Variants in XRCC4 observed in about 807,000 individuals in gnomAD.
XRCC4 encodes the protein X-ray repair cross complementing 4, also known as DNA repair protein XRCC4.
XRCC4 carries 28 observed loss-of-function variants against 39.1 expected under a neutral mutation model. The observed-to-expected ratio is 0.72, with a 90% CI of 0.53 to 0.98. The LOEUF is 0.98. Ranked by LOEUF, XRCC4 falls within the 50% of genes least tolerant of loss-of-function variation. XRCC4 has a pLI of 0.00. For synonymous variants in XRCC4, 123 were observed against 126.4 expected (o/e 0.97, Z 0.18); for missense variants, 350 against 376.4 (o/e 0.93, Z 0.58).
chr5:83,245,116 A>C (rs1753053251), intron 6 of XRCC4, among the ~76,000 whole-genome samples: 1 of 152,106 alleles, frequency 6.6e-6, no homozygotes, highest in Admixed American at 6.6e-5. Flanking sequence ...AAGTGTTCTG[A>C]GAATGGTTCT....
At chr5:83,344,130 T>A (rs7734849) in intron 7 of XRCC4, among the ~76,000 whole-genome samples, 37,081 of 148,208 alleles carry the variant, frequency 0.25, 6,565 homozygotes, top group East Asian at 0.7. Flanking sequence ...GACACAGATC[T>A]CACACACACA....
At chr5:83,125,785 C>A (rs1015332802) in intron 3 of XRCC4, among the ~76,000 whole-genome samples, 1 of 152,054 alleles carries the variant, frequency 6.6e-6, no homozygotes, top group Non-Finnish European at 1.5e-5. Flanking sequence ...GAGTTCACAA[C>A]CAGTCTGAAT....
At chr5:83,165,544 T>C (rs999243114) in intron 3 of XRCC4, among the ~76,000 whole-genome samples, 1 of 152,190 alleles carries the variant, frequency 6.6e-6, no homozygotes, top group Admixed American at 6.5e-5. Context: ...ACTTGTGTTA[T>C]GGGGTTTTGT....
At chr5:83,374,045 A>T in the XRCC4 span, among the ~76,000 whole-genome samples, 5 of 152,240 alleles carry the variant, frequency 3.3e-5, no homozygotes, top group African/African-American at 1.2e-4. Context: ...AGTGAGAAGC[A>T]GAGAGTATTA....
intron 7 of XRCC4, among the ~76,000 whole-genome samples, chr5:83,320,553 G>C (rs1756032445): frequency 6.6e-6 from 1 of 151,894 alleles, no homozygotes; most frequent in Non-Finnish European, 1.5e-5. Context: ...AGGAAAAAAT[G>C]CTGTCAAATA....
the XRCC4 span, among the ~76,000 whole-genome samples, chr5:83,362,034 C>T: frequency 1.3e-5 from 2 of 151,994 alleles, no homozygotes; most frequent in East Asian, 3.9e-4. Context: ...TTGCTCATCT[C>T]TTTTTATCAA....
At chr5:83,098,677 A>G (rs1745788964) in intron 1 of XRCC4, among the ~76,000 whole-genome samples, 1 of 152,128 alleles carries the variant, frequency 6.6e-6, no homozygotes, top group South Asian at 2.1e-4. Context: ...TTTTCAAAAA[A>G]AAAAATCTTA....
At chr5:83,272,310 C>T (rs2112931998) in intron 7 of XRCC4, among the ~76,000 whole-genome samples, 1 of 152,206 alleles carries the variant, frequency 6.6e-6, no homozygotes, top group East Asian at 1.9e-4. Context: ...CCCCCCAAAC[C>T]CTGTTTATAT....
At chr5:83,131,206 TC>T (rs1747559977) in intron 3 of XRCC4, among the ~76,000 whole-genome samples, 1 of 152,210 alleles carries the variant, frequency 6.6e-6, no homozygotes, top group Non-Finnish European at 1.5e-5. Flanking sequence ...CATCTTTATT[TC>T]TGCCTTCATT....
chr5:83,353,016 A>G (rs937153875), intron 7 of XRCC4, 115 bp from the exon 8 acceptor site: 1 of 817,430 alleles, frequency 1.2e-6, no homozygotes, highest in Admixed American at 2.9e-5. Flanking sequence ...AAATCTCTAA[A>G]CCAATTTGAA....
intron 6 of XRCC4, among the ~76,000 whole-genome samples, chr5:83,230,874 C>G (rs889530754): frequency 1.3e-5 from 2 of 151,748 alleles, no homozygotes; most frequent in African/African-American, 4.8e-5. Flanking sequence ...ACTACTAGTT[C>G]TTTGTAATTC....
intron 1 of XRCC4, among the ~76,000 whole-genome samples, chr5:83,096,521 C>T (rs899781911): frequency 2.0e-5 from 3 of 152,020 alleles, no homozygotes; most frequent in Admixed American, 6.6e-5. Flanking sequence ...ACCCAGGAGC[C>T]CAATCTGTGT....
chr5:83,175,621 T>G (rs1318288561), intron 3 of XRCC4, among the ~76,000 whole-genome samples: 1 of 151,920 alleles, frequency 6.6e-6, no homozygotes, highest in Non-Finnish European at 1.5e-5. Flanking sequence ...TTGTTTTTGT[T>G]TTTTTTTGAG....
chr5:83,150,301 C>A (rs16900194), intron 3 of XRCC4, among the ~76,000 whole-genome samples: 2,213 of 152,196 alleles, frequency 0.015, 62 homozygotes, highest in African/African-American at 0.051. Flanking sequence ...CCTTGAATTG[C>A]ACACATTCGT....
At chr5:83,331,516 C>T (rs1473601839) in intron 7 of XRCC4, among the ~76,000 whole-genome samples, 2 of 152,002 alleles carry the variant, frequency 1.3e-5, no homozygotes, top group African/African-American at 4.8e-5. Flanking sequence ...TAAACATTCA[C>T]AAATAGTATG....
chr5:83,087,123 C>T (rs1275350042), intron 1 of XRCC4, among the ~76,000 whole-genome samples: 3 of 151,998 alleles, frequency 2.0e-5, no homozygotes, highest in Non-Finnish European at 4.4e-5. Context: ...TCAAGTCCAG[C>T]CTGGCCAACC....
intron 3 of XRCC4, among the ~76,000 whole-genome samples, chr5:83,120,839 A>G (rs1746976569): frequency 6.6e-6 from 1 of 152,196 alleles, no homozygotes; most frequent in African/African-American, 2.4e-5. Flanking sequence ...ACAACTGGGT[A>G]AATTTTAAAA....
intron 6 of XRCC4, among the ~76,000 whole-genome samples, chr5:83,209,347 T>C (rs1751548261): frequency 6.6e-6 from 1 of 152,100 alleles, no homozygotes; most frequent in Non-Finnish European, 1.5e-5. Flanking sequence ...CCACATGCAA[T>C]TGGCCTTTTA....
At chr5:83,193,748 T>A (rs2112693944) in intron 3 of XRCC4, among the ~76,000 whole-genome samples, 1 of 152,342 alleles carries the variant, frequency 6.6e-6, no homozygotes, top group Admixed American at 6.5e-5. Context: ...TCTAAAAATG[T>A]CCACTTCTCT....
Sources: gnomAD v4.1 joint callset for allele counts (sites outside exome capture counted in the v4.1 genomes callset) on GRCh38, gnomAD v4.1.1 for gene constraint, MANE v1.5 for transcripts, NCBI Gene and HGNC (gene_info 2026-07-23, HGNC 2026-07-21) for gene names.